The following ELN variants were observed in gnomAD, a reference collection of about 807,000 sequenced individuals.
ELN encodes the protein elastin.
Under a neutral mutation model 105.8 loss-of-function variants are expected in ELN, and 65 were observed. That is an observed-to-expected ratio of 0.61 (90% CI 0.50 to 0.75). The LOEUF is 0.75. Ranked by LOEUF, ELN falls within the 30% of genes least tolerant of loss-of-function variation. ELN has a pLI of 0.00. For missense variants in ELN, 882 were observed against 969.4 expected (o/e 0.91, Z 1.20); for synonymous variants, 368 against 389.2 (o/e 0.95, Z 0.64).
intron 15 of ELN, among the ~76,000 whole-genome samples, chr7:74,051,405 C>T (rs1197248628): frequency 6.6e-6 from 1 of 152,220 alleles, no homozygotes; most frequent in Admixed American, 6.5e-5. Context: ...AACTTGGCTG[C>T]ATCTTCGGAA....
Position 74,063,198 on chromosome 7 carries a change from G to C in ELN, c.1832G>C (p.Gly611Ala), listed in dbSNP as rs1197847410. 2 of 1,609,520 alleles carry C rather than the reference G, an allele frequency of 1.2e-6. No individual in the cohort carries two copies. The highest frequency in any genetic ancestry group is 1.7e-6 in the Non-Finnish European group (2 of 1,178,920). Residue 611 changes from glycine (G) to alanine (A), a missense_variant, in exon 27 of 33, where the codon GGA becomes GCA. Physicochemically the swap from Gly to Ala is moderately conservative, Grantham distance 60. Coordinates refer to ENST00000252034, the MANE Select transcript of ELN (RefSeq NM_000501.4). The surrounding 1 kb of genome is among the most constrained non-coding windows in gnomAD (Gnocchi z 4.1). ...CTTGGAGGGCTCGGGGCTCTCGGTG[G>C]AGTAGGCATCCCAGGCGGTGTGGTG... ...GVLGGLGALG[G>A]VGIPGGVVGA...
At chr7:74,054,592 A>G in intron 18 of ELN, 124 bp from the exon 19 acceptor site, 1 of 975,960 alleles carries the variant, frequency 1.0e-6, no homozygotes, top group South Asian at 1.3e-5. Flanking sequence ...ATGGATGTGT[A>G]GCCAACTCTA....
In ELN at chr7:74,069,184, T is replaced by C; in HGVS notation, c.*484T>C. The C allele has an allele frequency of 3.9e-6, 1 of 257,046 alleles. No individual in the cohort carries two copies. Among genetic ancestry groups the C allele is most frequent in the Non-Finnish European group, 7.4e-6 (1 of 135,362 alleles). The allele number at this position is 257,046 out of a possible 1,614,324, so 15.9% of individuals were successfully genotyped here. On this transcript the variant is annotated 3_prime_UTR_variant, in exon 33 of 33. Transcript: ENST00000252034. Reference sequence around the variant, plus strand: ...AGTTGGTACCCAAGCACCTGAAGCCTCAAAGCTGGATTCGCTCTAGCATCC... The same window carrying C: ...AGTTGGTACCCAAGCACCTGAAGCCCCAAAGCTGGATTCGCTCTAGCATCC...
chr7:74,063,610 T>C lies in ELN; in HGVS notation c.1919-11T>C. On this transcript the variant is annotated splice_polypyrimidine_tract_variant and intron_variant, in intron 28 of 32. Transcript: ENST00000252034. The surrounding 1 kb of genome is among the most constrained non-coding windows in gnomAD (Gnocchi z 4.1). ...TGACCAGCGGAGTCTAATGCTCAGC[T>C]GTCTCCACAGGCCTAGTGGGAGCCG... 3.1e-6 allele frequency: 5 copies of C among 1,614,162 alleles called. No individual in the cohort carries two copies. Among genetic ancestry groups the C allele is most frequent in the Non-Finnish European group, 4.2e-6 (5 of 1,180,020 alleles).
At chr7:74,035,325 C>G (rs1554664807) in intron 1 of ELN, 39 bp from the exon 2 acceptor site, 1 of 1,612,556 alleles carries the variant, frequency 6.2e-7, no homozygotes, top group South Asian at 1.1e-5. Flanking sequence ...CCTAATAGTT[C>G]TGGCTCCTGG....
At chr7:74,051,637 C>T in intron 15 of ELN, 113 bp from the exon 16 acceptor site, 1 of 1,222,116 alleles carries the variant, frequency 8.2e-7, no homozygotes, top group South Asian at 1.4e-5. Context: ...GACACCCGGG[C>T]CCCATTCCTG....
chr7:74,031,797 AAGAGAGAG>A (rs374353560), intron 1 of ELN, among the ~76,000 whole-genome samples: 1 of 147,952 alleles, frequency 6.8e-6, no homozygotes, highest in Non-Finnish European at 1.5e-5. Flanking sequence ...AAAAGAAAGA[AAGAGAGAG>A]AGAGAGAGAG....
At chr7:74,049,178 T>G (rs1169337814) in intron 15 of ELN, among the ~76,000 whole-genome samples, 1 of 150,440 alleles carries the variant, frequency 6.6e-6, no homozygotes, top group Non-Finnish European at 1.5e-5. Flanking sequence ...CACTCATCCA[T>G]CTATCCATTC....
chr7:74,036,944 C>A (rs1256483340), intron 3 of ELN, among the ~76,000 whole-genome samples: 1 of 152,052 alleles, frequency 6.6e-6, no homozygotes, highest in African/African-American at 2.4e-5. Context: ...CCTCAGCCTC[C>A]CAATTAGCGA....
At chr7:74,048,611 TC>T (rs1554674083) in intron 15 of ELN, 55 bp downstream of exon 15, 8 of 1,608,108 alleles carry the variant, frequency 5.0e-6, no homozygotes, top group Non-Finnish European at 6.8e-6. Context: ...GCCTCTCCAT[TC>T]CCATTACTAT....
At chr7:74,053,612 T>C (rs781917739) in intron 18 of ELN, among the ~76,000 whole-genome samples, 2 of 152,032 alleles carry the variant, frequency 1.3e-5, no homozygotes, top group Non-Finnish European at 1.5e-5. Context: ...GTGTTCAGTT[T>C]ATGGTGGATA....
At chr7:74,064,156 C>T (rs1467683601) in intron 29 of ELN, among the ~76,000 whole-genome samples, 5 of 151,388 alleles carry the variant, frequency 3.3e-5, no homozygotes, top group African/African-American at 9.7e-5. Flanking sequence ...TGGTGGCTCA[C>T]GCCTGTGATC....
At position 74,041,266 on chromosome 7, in the gene ELN, C is replaced by T. The variant is rs782376636; in HGVS notation, c.232+15C>T. 2 of 1,613,840 alleles carry T rather than the reference C, an allele frequency of 1.2e-6. No individual in the cohort carries two copies. Among genetic ancestry groups the T allele is most frequent in the Non-Finnish European group, 8.5e-7 (1 of 1,179,798 alleles). Reference sequence around the variant, plus strand: ...CCTTGGGGCAGGTGAGTGCTGACACCCAAGAAAGATATCCCCTGTGGGGAC... The same window carrying T: ...CCTTGGGGCAGGTGAGTGCTGACACTCAAGAAAGATATCCCCTGTGGGGAC... On this transcript the variant is annotated intron_variant, in intron 5 of 32. Transcript: ENST00000252034.
In ELN at chr7:74,068,921, G is replaced by A. The variant is rs1798562941; in HGVS notation, c.*221G>A. On this transcript the variant is annotated 3_prime_UTR_variant, in exon 33 of 33. Transcript: ENST00000252034. ...CCCCTACTTCAGAGGCAAGGGCCATGTGGTCCTGGCCCCCCACCCCATCCC... is the reference window on the plus strand; with the variant it reads ...CCCCTACTTCAGAGGCAAGGGCCATATGGTCCTGGCCCCCCACCCCATCCC... 1 of 606,600 alleles carries A rather than the reference G, an allele frequency of 1.6e-6. No homozygotes were observed. Among genetic ancestry groups the A allele is most frequent in the Non-Finnish European group, 3.0e-6 (1 of 336,566 alleles). The allele number at this position is 606,600 out of a possible 1,614,324, so 37.6% of individuals were successfully genotyped here.
intron 1 of ELN, 126 bp from the exon 2 acceptor site, chr7:74,035,238 C>G: frequency 1.1e-6 from 1 of 877,022 alleles, no homozygotes; most frequent in Non-Finnish European, 1.9e-6. Context: ...TTGCCATCAG[C>G]ATTATTCTTG....
Position 74,054,768 on chromosome 7 carries a change from C to T in ELN, c.1149C>T (p.Tyr383=), listed in dbSNP as rs199621188. The T allele has an allele frequency of 6.6e-5, 106 of 1,613,978 alleles. No homozygotes were observed. The highest frequency in any genetic ancestry group is 3.1e-4 in the East Asian group (14 of 44,904). The change falls in exon 19 of 33, where the codon TAC becomes TAT. Residue 383 remains tyrosine, a splice_region_variant and synonymous_variant. Coordinates refer to ENST00000252034, the MANE Select transcript of ELN (RefSeq NM_000501.4). ...AGGCAGCTGCAAAGGCAGCCAAATA[C>T]GGTGAGTGCTATGCTGACAGCTCTG... ...AAKAAAKAAK[Y]GARPGVGVGG... is the part of the protein sequence containing the mutation.
Position 74,063,367 on chromosome 7 carries a change from T to C in ELN, c.1916T>C (p.Phe639Ser), listed in dbSNP as rs782280724. 13 of 1,546,348 alleles carry C rather than the reference T, an allele frequency of 8.4e-6. No homozygotes were observed. Among genetic ancestry groups the C allele is most frequent in the Admixed American group, 7.8e-5 (4 of 50,994 alleles). Residue 639 changes from phenylalanine (F) to serine (S), a missense_variant and splice_region_variant, in exon 28 of 33, where the codon TTT becomes TCT. Physicochemically the swap from Phe to Ser is radical, Grantham distance 155 (BLOSUM62 -2). Coordinates refer to ENST00000252034, the MANE Select transcript of ELN (RefSeq NM_000501.4). This position sits in a 1 kb window ranked among gnomAD's most constrained non-coding sequence, Gnocchi z 4.1. ...AAAGCTGCTGCCAAAGCCGCCCAGT[T>C]TGGTGAGCACTGGGTGGAGGTGGGA... ...AAKAAAKAAQ[F>S]GLVGAAGLGG...
intron 32 of ELN, among the ~76,000 whole-genome samples, chr7:74,067,660 C>A (rs1798242645): frequency 6.6e-6 from 1 of 151,306 alleles, no homozygotes; most frequent in Non-Finnish European, 1.5e-5. Context: ...ATGGTGTGAA[C>A]CCGGGAGGCG....
At position 74,059,934 on chromosome 7, in the gene ELN, G is replaced by A. The variant is rs1383828155; in HGVS notation, c.1463G>A (p.Gly488Asp). 1.2e-6 allele frequency: 2 copies of A among 1,600,164 alleles called. No individual in the cohort carries two copies. Among genetic ancestry groups the A allele is most frequent in the African/African-American group, 2.7e-5 (2 of 74,560 alleles). The change falls in exon 23 of 33, where the codon GGT becomes GAT. Residue 488 changes from glycine to aspartate, a missense_variant. Transcript: ENST00000252034. ...GVAPGVGVAPGVGVAPGVGLA... is the reference protein window; with the variant it reads ...GVAPGVGVAPDVGVAPGVGLA... ...GCTCCTGGAGTTGGCGTGGCTCCTG[G>A]TGTCGGTGTGGCTCCTGGAGTTGGC...
Sources: allele counts gnomAD v4.1 joint callset (sites outside exome capture counted in the v4.1 genomes callset), GRCh38; gene constraint gnomAD v4.1.1; non-coding constraint Gnocchi (gnomAD v3.1); transcripts MANE v1.5; gene names NCBI Gene and HGNC (gene_info 2026-07-23, HGNC 2026-07-21).